The following SLC35F3 variants were observed in gnomAD, a reference collection of about 807,000 sequenced individuals.
SLC35F3 encodes putative thiamine transporter SLC35F3.
In SLC35F3, 25 loss-of-function variants were observed where a neutral mutation model predicts 49.9. The observed-to-expected ratio is 0.50, with a 90% CI of 0.37 to 0.70. SLC35F3 has a LOEUF of 0.70. SLC35F3 is among the 30% of genes least tolerant of loss of function. SLC35F3 has a pLI of 0.00. For missense variants in SLC35F3, 525 were observed against 639.8 expected (o/e 0.82, Z 1.94); for synonymous variants, 275 against 265.4 (o/e 1.04, Z -0.35).
At chr1:234,190,415 A>G (rs1156417821) in intron 2 of SLC35F3, among the ~76,000 whole-genome samples, 1 of 152,216 alleles carries the variant, frequency 6.6e-6, no homozygotes, top group African/African-American at 2.4e-5. Context: ...GAGTAGGAAT[A>G]GCTATTCTTA....
intron 2 of SLC35F3, among the ~76,000 whole-genome samples, chr1:234,100,214 C>A (rs1038977328): frequency 8.5e-5 from 13 of 152,168 alleles, no homozygotes; most frequent in African/African-American, 1.7e-4. Flanking sequence ...CCACTTTCTC[C>A]AATCCTACCT....
At chr1:233,992,234 A>T (rs1349046886) in intron 2 of SLC35F3, among the ~76,000 whole-genome samples, 1 of 152,212 alleles carries the variant, frequency 6.6e-6, no homozygotes, top group Non-Finnish European at 1.5e-5. Flanking sequence ...AAATAAATAC[A>T]ATAAGTGAAT....
At chr1:233,974,555 A>G (rs1663048027) in intron 2 of SLC35F3, among the ~76,000 whole-genome samples, 1 of 152,154 alleles carries the variant, frequency 6.6e-6, no homozygotes, top group South Asian at 2.1e-4. Flanking sequence ...CCTTGAGCAA[A>G]GTCAAGTTTT....
chr1:234,201,273 T>C (rs1666896470), intron 2 of SLC35F3, among the ~76,000 whole-genome samples: 1 of 152,262 alleles, frequency 6.6e-6, no homozygotes. Flanking sequence ...ATATCATTTC[T>C]GGGCAGGGCT....
chr1:233,987,141 T>G (rs755190257), intron 2 of SLC35F3, among the ~76,000 whole-genome samples: 9 of 150,532 alleles, frequency 6.0e-5, no homozygotes, highest in Non-Finnish European at 1.2e-4. Flanking sequence ...ACAAAAAAAA[T>G]TAGCCAGGCG....
intron 2 of SLC35F3, among the ~76,000 whole-genome samples, chr1:234,129,245 T>G (rs2102897348): frequency 6.6e-6 from 1 of 152,344 alleles, no homozygotes; most frequent in African/African-American, 2.4e-5. Context: ...GTGCTCGACC[T>G]CATTGATCAT....
chr1:233,935,628 C>T (rs1266696403), intron 2 of SLC35F3, among the ~76,000 whole-genome samples: 1 of 152,124 alleles, frequency 6.6e-6, no homozygotes, highest in Non-Finnish European at 1.5e-5. Context: ...CCAGCAGCAA[C>T]TATCTGATCA....
chr1:234,196,538 A>G (rs1261139135), intron 2 of SLC35F3, among the ~76,000 whole-genome samples: 6 of 152,266 alleles, frequency 3.9e-5, no homozygotes, highest in Non-Finnish European at 7.3e-5. Flanking sequence ...CTGCATCAAC[A>G]TCACCCAACA....
intron 2 of SLC35F3, among the ~76,000 whole-genome samples, chr1:234,014,009 G>A (rs774009735): frequency 4.6e-5 from 7 of 152,146 alleles, no homozygotes; most frequent in Non-Finnish European, 8.8e-5. Context: ...GCCTTACCCT[G>A]ATACCAAAGC....
At chr1:233,961,139 C>A (rs567142955) in intron 2 of SLC35F3, among the ~76,000 whole-genome samples, 2 of 152,180 alleles carry the variant, frequency 1.3e-5, no homozygotes, top group Admixed American at 1.3e-4. Flanking sequence ...TGCAGTGGTG[C>A]CTGATTTTGC....
chr1:234,265,698 C>T (rs559959145), intron 3 of SLC35F3, among the ~76,000 whole-genome samples: 1 of 152,312 alleles, frequency 6.6e-6, no homozygotes, highest in South Asian at 2.1e-4. Flanking sequence ...GTTCTCAACA[C>T]AGAACAGTCC....
rs550442118 is a variant in SLC35F3, at chr1:233,932,287, A to C, written c.283+26529A>C. On this transcript the variant is annotated intron_variant, in intron 2 of 7. Transcript: ENST00000366618. ...TTCTGTACGTGTACCCCAGAACTTAAAGTATAACAAAAAAAGAAGGGGTTG... is the reference window on the plus strand; with the variant it reads ...TTCTGTACGTGTACCCCAGAACTTACAGTATAACAAAAAAAGAAGGGGTTG... Among the ~76,000 whole-genome samples, 15 of 138,840 alleles carry C rather than the reference A, an allele frequency of 1.1e-4. 1 individual carries two copies. Among genetic ancestry groups the C allele is most frequent in the Non-Finnish European group, 4.8e-5 (3 of 62,534 alleles). The allele number at this position is 138,840 out of a possible 152,430, so 91.1% of individuals were successfully genotyped here.
chr1:234,145,444 A>G (rs1558241835), intron 2 of SLC35F3, among the ~76,000 whole-genome samples: 1 of 151,868 alleles, frequency 6.6e-6, no homozygotes, highest in African/African-American at 2.4e-5. Context: ...TCAGTTAGGA[A>G]TCTTTTTTCT....
chr1:234,152,039 A>T (rs1012598279), intron 2 of SLC35F3, among the ~76,000 whole-genome samples: 1 of 151,808 alleles, frequency 6.6e-6, no homozygotes, highest in Non-Finnish European at 1.5e-5. Context: ...ATCTGAGAAT[A>T]ATAACCCCCA....
chr1:234,026,536 G>A (rs538812922), intron 2 of SLC35F3, among the ~76,000 whole-genome samples: 2 of 152,280 alleles, frequency 1.3e-5, no homozygotes, highest in Admixed American at 1.3e-4. Flanking sequence ...CTGAAGGTAG[G>A]TTGGCAACTC....
At chr1:234,268,292 A>G (rs983045518) in intron 3 of SLC35F3, among the ~76,000 whole-genome samples, 1 of 151,904 alleles carries the variant, frequency 6.6e-6, no homozygotes, top group Non-Finnish European at 1.5e-5. Context: ...GTCTCCACCA[A>G]AAAAAAACGA....
intron 2 of SLC35F3, among the ~76,000 whole-genome samples, chr1:233,966,252 G>T (rs1173975729): frequency 6.6e-6 from 1 of 152,208 alleles, no homozygotes; most frequent in Non-Finnish European, 1.5e-5. Flanking sequence ...TGGTAGGAAA[G>T]ATTTTCAATA....
At chr1:234,189,301 A>G (rs1266123133) in intron 2 of SLC35F3, among the ~76,000 whole-genome samples, 1 of 151,948 alleles carries the variant, frequency 6.6e-6, no homozygotes, top group Non-Finnish European at 1.5e-5. Context: ...AGTCCGACTT[A>G]AGGAAATTTT....
chr1:234,275,151 G>T (rs887539700), intron 3 of SLC35F3, among the ~76,000 whole-genome samples: 3 of 152,150 alleles, frequency 2.0e-5, no homozygotes, highest in Non-Finnish European at 4.4e-5. Context: ...CTCATTTGAT[G>T]CGTCACAGTC....
Sources: gnomAD v4.1 joint callset for allele counts (sites outside exome capture counted in the v4.1 genomes callset) on GRCh38, gnomAD v4.1.1 for gene constraint, MANE v1.5 for transcripts, NCBI Gene and HGNC (gene_info 2026-07-23, HGNC 2026-07-21) for gene names.